The following CRPPA variants were observed in gnomAD, a reference collection of about 807,000 sequenced individuals.
The protein encoded by CRPPA is CDP-L-ribitol pyrophosphorylase A.
CRPPA carries 43 observed loss-of-function variants against 52.0 expected under a neutral mutation model. The observed-to-expected ratio is 0.83, with a 90% CI of 0.65 to 1.07. The LOEUF is 1.07. Among genes scored for constraint, CRPPA ranks in the 50% least tolerant of loss-of-function variants. The pLI, the probability that CRPPA is intolerant of heterozygous loss-of-function variation, is 0.00. For synonymous variants in CRPPA, 250 were observed against 203.5 expected (o/e 1.23, Z -1.94); for missense variants, 629 against 551.7 (o/e 1.14, Z -1.40).
At chr7:16,154,913 T>C (rs1012336598) in intron 9 of CRPPA, among the ~76,000 whole-genome samples, 1 of 151,178 alleles carries the variant, frequency 6.6e-6, no homozygotes, top group African/African-American at 2.4e-5. Context: ...GTTCAAGCAA[T>C]TCTCCTGCCT....
intron 8 of CRPPA, among the ~76,000 whole-genome samples, chr7:16,247,660 T>C (rs1426561297): frequency 3.9e-5 from 6 of 152,100 alleles, no homozygotes; most frequent in African/African-American, 1.4e-4. Context: ...ATGGTACCAA[T>C]AGACTTGCCA....
At chr7:16,405,133 A>T (rs1787920857) in intron 2 of CRPPA, among the ~76,000 whole-genome samples, 1 of 151,974 alleles carries the variant, frequency 6.6e-6, no homozygotes, top group South Asian at 2.1e-4. Context: ...GGGCACCCAG[A>T]TGGCTAGGAA....
chr7:16,326,142 A>T (rs570379384), intron 3 of CRPPA, among the ~76,000 whole-genome samples: 4 of 151,968 alleles, frequency 2.6e-5, no homozygotes, highest in Admixed American at 6.6e-5. Flanking sequence ...AGTCCTCTGA[A>T]AGAGCTATAT....
chr7:16,379,785 CTGTT>C (rs1484065724), intron 2 of CRPPA, among the ~76,000 whole-genome samples: 7 of 152,146 alleles, frequency 4.6e-5, no homozygotes, highest in Non-Finnish European at 1.0e-4. Flanking sequence ...ATTTGGCTCT[CTGTT>C]TGTCTGTTAT....
chr7:16,131,110 T>C (rs537974492), intron 9 of CRPPA, among the ~76,000 whole-genome samples: 4 of 152,344 alleles, frequency 2.6e-5, no homozygotes, highest in Admixed American at 6.5e-5. Flanking sequence ...TGTACTGTTA[T>C]AGCAGCCTAA....
intron 2 of CRPPA, among the ~76,000 whole-genome samples, chr7:16,392,774 T>C (rs1787478300): frequency 6.6e-6 from 1 of 152,156 alleles, no homozygotes; most frequent in Non-Finnish European, 1.5e-5. Context: ...AAGAATTACG[T>C]AGTTTAAATA....
At chr7:16,258,687 T>C (rs1372658646) in intron 7 of CRPPA, among the ~76,000 whole-genome samples, 3 of 152,046 alleles carry the variant, frequency 2.0e-5, no homozygotes, top group African/African-American at 7.2e-5. Flanking sequence ...CTGCCTCTTA[T>C]TACCTACTTT....
chr7:16,269,672 T>C (rs1484757900), intron 6 of CRPPA: 1 of 152,198 alleles, frequency 6.6e-6, no homozygotes, highest in East Asian at 1.9e-4. Context: ...ACTGTGGTTA[T>C]AAGCTCAAAG....
chr7:16,287,350 C>T (rs1784472289), intron 5 of CRPPA, among the ~76,000 whole-genome samples: 1 of 152,128 alleles, frequency 6.6e-6, no homozygotes. Context: ...CACAAGATCA[C>T]AAACTCCTGA....
chr7:16,327,223 T>A (rs1035436545), intron 3 of CRPPA, among the ~76,000 whole-genome samples: 2 of 152,160 alleles, frequency 1.3e-5, no homozygotes, highest in African/African-American at 4.8e-5. Flanking sequence ...CAAGTAGAAC[T>A]CAACCTTAAA....
chr7:16,119,428 G>A (rs1782440316), intron 9 of CRPPA, among the ~76,000 whole-genome samples: 1 of 150,526 alleles, frequency 6.6e-6, no homozygotes, highest in Non-Finnish European at 1.5e-5. Context: ...AAACAGCTAA[G>A]AAATAAAAAA....
chr7:16,142,374 A>G (rs1323440885), intron 9 of CRPPA, among the ~76,000 whole-genome samples: 1 of 152,176 alleles, frequency 6.6e-6, no homozygotes, highest in Non-Finnish European at 1.5e-5. Flanking sequence ...ACATTAATTT[A>G]AATAATGGAC....
At chr7:16,379,686 T>A (rs563133080) in intron 2 of CRPPA, among the ~76,000 whole-genome samples, 3,708 of 152,330 alleles carry the variant, frequency 0.024, 61 homozygotes, top group Non-Finnish European at 0.039. Flanking sequence ...TTTGTAGTTC[T>A]CCTTGAAGAG....
intron 9 of CRPPA, among the ~76,000 whole-genome samples, chr7:16,204,427 C>T (rs939828960): frequency 2.0e-5 from 3 of 151,870 alleles, no homozygotes; most frequent in Non-Finnish European, 4.4e-5. Flanking sequence ...ATAACGTGTA[C>T]ACATGAACAA....
At chr7:16,248,650 C>T (rs549095417) in intron 8 of CRPPA, among the ~76,000 whole-genome samples, 6 of 152,292 alleles carry the variant, frequency 3.9e-5, no homozygotes, top group South Asian at 4.1e-4. Context: ...AAGATCCACG[C>T]GGAAGGCAGG....
chr7:16,405,005 G>A (rs1236633855), intron 2 of CRPPA, among the ~76,000 whole-genome samples: 4 of 152,048 alleles, frequency 2.6e-5, no homozygotes, highest in Non-Finnish European at 4.4e-5. Context: ...TCATGTTGCA[G>A]AAGGAAGAGA....
At chr7:16,405,122 T>TG (rs1787920518) in intron 2 of CRPPA, among the ~76,000 whole-genome samples, 1 of 151,820 alleles carries the variant, frequency 6.6e-6, no homozygotes, top group South Asian at 2.1e-4. Flanking sequence ...AAAAAGCTTC[T>TG]GGGCACCCAG....
At chr7:16,334,978 A>T (rs1785642242) in intron 3 of CRPPA, among the ~76,000 whole-genome samples, 1 of 152,004 alleles carries the variant, frequency 6.6e-6, no homozygotes, top group South Asian at 2.1e-4. Context: ...GAACCCAAAG[A>T]AATGGAGATG....
chr7:16,200,987 T>A (rs953187548), intron 9 of CRPPA, among the ~76,000 whole-genome samples: 1 of 152,184 alleles, frequency 6.6e-6, no homozygotes, highest in African/African-American at 2.4e-5. Flanking sequence ...CCTTAATATT[T>A]TTGAGCTATG....
Sources: gnomAD v4.1 joint callset for allele counts (sites outside exome capture counted in the v4.1 genomes callset) on GRCh38, gnomAD v4.1.1 for gene constraint, MANE v1.5 for transcripts, NCBI Gene and HGNC (gene_info 2026-07-23, HGNC 2026-07-21) for gene names.